The following PTPRD variants were observed in gnomAD, a reference collection of about 807,000 sequenced individuals.
PTPRD encodes the protein receptor-type tyrosine-protein phosphatase delta.
A neutral mutation model predicts 214.5 loss-of-function variants in PTPRD; 34 were observed. That is an observed-to-expected ratio of 0.16 (90% CI 0.12 to 0.21). PTPRD has a LOEUF of 0.21. Among genes scored for constraint, PTPRD ranks in the 10% least tolerant of loss-of-function variants. PTPRD has a pLI of 1.00. For missense variants in PTPRD, 2,545 were observed against 2,398.7 expected, an observed-to-expected ratio of 1.06 and a Z score of -1.27; for synonymous variants, 1,128 against 845.7, an observed-to-expected ratio of 1.33 and a Z score of -5.79.
At chr9:8,368,253 C>T (rs12554953) in intron 39 of PTPRD, among the ~76,000 whole-genome samples, 18,987 of 152,172 alleles carry the variant, frequency 0.12, 1,892 homozygotes, top group East Asian at 0.35. Flanking sequence ...CACTTAACTT[C>T]TCAGGGTCTC....
intron 7 of PTPRD, among the ~76,000 whole-genome samples, chr9:9,624,833 A>AAG (rs906502237): frequency 1.3e-5 from 2 of 151,620 alleles, no homozygotes; most frequent in African/African-American, 4.9e-5. Context: ...ATGCATTGAA[A>AAG]AAAAAAAAAA....
chr9:8,618,241 A>G (rs1461974093), intron 14 of PTPRD, among the ~76,000 whole-genome samples: 1 of 152,114 alleles, frequency 6.6e-6, no homozygotes, highest in African/African-American at 2.4e-5. Context: ...AGAAAAAGGA[A>G]TATTTTCCTA....
At chr9:10,166,192 T>A (rs1039510341) in intron 3 of PTPRD, among the ~76,000 whole-genome samples, 4 of 150,538 alleles carry the variant, frequency 2.7e-5, no homozygotes, top group Middle Eastern at 3.2e-3. Flanking sequence ...ACTGTTTAAA[T>A]TTTTAATTTT....
intron 11 of PTPRD, among the ~76,000 whole-genome samples, chr9:8,968,576 G>T (rs369166741): frequency 1.3e-5 from 2 of 151,912 alleles, no homozygotes; most frequent in Non-Finnish European, 2.9e-5. Context: ...ACCTCATTCA[G>T]TTCTTACCAT....
chr9:10,365,273 G>T (rs2097494098), intron 2 of PTPRD, among the ~76,000 whole-genome samples: 1 of 152,124 alleles, frequency 6.6e-6, no homozygotes, highest in Non-Finnish European at 1.5e-5. Context: ...TCTGCTTATA[G>T]ATTTAAGCCC....
At chr9:9,341,405 T>C (rs1046761748) in intron 9 of PTPRD, among the ~76,000 whole-genome samples, 12 of 152,114 alleles carry the variant, frequency 7.9e-5, no homozygotes, top group African/African-American at 2.2e-4. Context: ...TGTCTGTTAG[T>C]ACCCCATCTC....
intron 8 of PTPRD, among the ~76,000 whole-genome samples, chr9:9,457,311 G>A (rs768623606): frequency 7.2e-5 from 11 of 151,870 alleles, no homozygotes; most frequent in Non-Finnish European, 1.5e-4. Context: ...ATGATAATCG[G>A]TCTCTCTAAA....
chr9:9,085,468 C>T (rs1056665223), intron 10 of PTPRD, among the ~76,000 whole-genome samples: 2 of 152,078 alleles, frequency 1.3e-5, no homozygotes, highest in African/African-American at 4.8e-5. Flanking sequence ...ATTTTTGACC[C>T]TTAGGGTGAA....
chr9:9,657,906 TA>T (rs1285116411), intron 7 of PTPRD, among the ~76,000 whole-genome samples: 1 of 152,188 alleles, frequency 6.6e-6, no homozygotes, highest in Non-Finnish European at 1.5e-5. Flanking sequence ...CCCCCCGACC[TA>T]AAGAGAGGAT....
At chr9:9,737,484 C>T (rs554472493) in intron 6 of PTPRD, among the ~76,000 whole-genome samples, 20 of 152,228 alleles carry the variant, frequency 1.3e-4, no homozygotes, top group Middle Eastern at 3.4e-3. Context: ...CTATATAGTA[C>T]CTATTAGCAG....
chr9:10,552,784 C>A (rs941116842), intron 2 of PTPRD, among the ~76,000 whole-genome samples: 2 of 152,038 alleles, frequency 1.3e-5, no homozygotes, highest in African/African-American at 4.8e-5. Flanking sequence ...AAAAAACTCA[C>A]ATTGGATAAG....
chr9:9,824,840 A>C (rs939236675), intron 5 of PTPRD, among the ~76,000 whole-genome samples: 6 of 152,166 alleles, frequency 3.9e-5, no homozygotes, highest in Middle Eastern at 3.4e-3. Context: ...ACAAAATACA[A>C]ACTGCTCTAT....
chr9:9,451,541 T>C (rs1034846412), intron 8 of PTPRD, among the ~76,000 whole-genome samples: 1 of 151,642 alleles, frequency 6.6e-6, no homozygotes, highest in African/African-American at 2.4e-5. Flanking sequence ...CCCAGTAAAA[T>C]GTTTCCTAGA....
intron 38 of PTPRD, among the ~76,000 whole-genome samples, 180 bp from the exon 39 acceptor site, chr9:8,376,270 T>C (rs537354737): frequency 6.6e-6 from 1 of 152,068 alleles, no homozygotes; most frequent in African/African-American, 2.4e-5. Flanking sequence ...ATGACAAATA[T>C]TTGCGCAGGA....
rs545125541 is a variant in PTPRD at position 8,903,763 on chromosome 9, G to A, written c.-104+114934C>T. Among the ~76,000 whole-genome samples the A allele has an allele frequency of 2.0e-5, 3 of 148,750 alleles. No homozygotes were observed. In the East Asian group the frequency reaches 5.8e-4, roughly 29 times the overall value. ...GATTCTCTACCTTTAAAAAATTATG[G>A]GAAATTTGATTACTATTTAAAAGAC... On this transcript the variant is annotated intron_variant, in intron 11 of 45. Coordinates refer to ENST00000381196, the MANE Select transcript of PTPRD (RefSeq NM_002839.4).
At chr9:8,675,357 A>G (rs1440067976) in intron 12 of PTPRD, among the ~76,000 whole-genome samples, 1 of 152,004 alleles carries the variant, frequency 6.6e-6, no homozygotes, top group Admixed American at 6.5e-5. Flanking sequence ...GAGCTGTATA[A>G]TAAATGTTGA....
At chr9:10,180,933 C>T (rs1206497202) in intron 3 of PTPRD, among the ~76,000 whole-genome samples, 1 of 151,682 alleles carries the variant, frequency 6.6e-6, no homozygotes, top group Non-Finnish European at 1.5e-5. Flanking sequence ...TATAAAAATA[C>T]CCTAAAAATC....
chr9:10,333,589 G>A (rs902561728), intron 3 of PTPRD, among the ~76,000 whole-genome samples: 1 of 151,742 alleles, frequency 6.6e-6, no homozygotes, highest in Non-Finnish European at 1.5e-5. Context: ...CTAGAAGAAA[G>A]ACAATATTTA....
chr9:9,607,314 C>T (rs567861459), intron 7 of PTPRD, among the ~76,000 whole-genome samples: 21 of 152,206 alleles, frequency 1.4e-4, no homozygotes, highest in Admixed American at 6.5e-4. Context: ...AAATAATAAA[C>T]GCTTTTTAGA....
Sources: gnomAD v4.1 joint callset for allele counts (sites outside exome capture counted in the v4.1 genomes callset) on GRCh38, gnomAD v4.1.1 for gene constraint, MANE v1.5 for transcripts, NCBI Gene and HGNC (gene_info 2026-07-23, HGNC 2026-07-21) for gene names.